The following GLB1 variants were observed in gnomAD, a reference collection of about 807,000 sequenced individuals.
GLB1 encodes the protein galactosidase beta 1.
In GLB1, 56 loss-of-function variants were observed where a neutral mutation model predicts 74.0. The observed-to-expected ratio is 0.76, with a 90% CI of 0.61 to 0.94. The LOEUF (loss-of-function observed/expected upper bound fraction) is 0.94. Ranked by LOEUF, GLB1 falls within the 40% of genes least tolerant of loss-of-function variation. GLB1 has a pLI of 0.00. For synonymous variants in GLB1, 323 were observed against 323.6 expected (o/e 1.00, Z 0.02); for missense variants, 787 against 845.5 (o/e 0.93, Z 0.86).
chr3:33,043,002 G>A (rs891867938), intron 10 of GLB1, among the ~76,000 whole-genome samples: 2 of 152,098 alleles, frequency 1.3e-5, no homozygotes, highest in African/African-American at 4.8e-5. Flanking sequence ...ATGCCCCATG[G>A]GTTTTATTTT....
chr3:32,996,924 A>G lies in GLB1; in HGVS notation c.*121T>C. 1 of 1,582,982 alleles carries G rather than the reference A, an allele frequency of 6.3e-7. No individual in the cohort carries two copies. The highest frequency in any genetic ancestry group is 8.6e-7 in the Non-Finnish European group (1 of 1,161,718). Reference sequence around the variant, plus strand: ...CAGGGATGCAGGGAAACCTCAGGTGAAAATGCACATCCTAAATTCCTTTTC... The same window carrying G: ...CAGGGATGCAGGGAAACCTCAGGTGGAAATGCACATCCTAAATTCCTTTTC... On this transcript the variant is annotated 3_prime_UTR_variant, in exon 16 of 16. Transcript: ENST00000307363.
At chr3:32,996,359 C>T (rs938244383), downstream of GLB1, among the ~76,000 whole-genome samples, 8 of 152,122 alleles carry the variant, frequency 5.3e-5, no homozygotes, top group South Asian at 2.1e-4. Context: ...ACACACAAAA[C>T]GGGATCCAAT....
intron 10 of GLB1, among the ~76,000 whole-genome samples, chr3:33,031,809 GTTTTT>G (rs1299964027): frequency 1.3e-5 from 2 of 150,274 alleles, no homozygotes; most frequent in Non-Finnish European, 3.0e-5. Flanking sequence ...GTTTTGTTTT[GTTTTT>G]GAGACAGAGT....
At chr3:32,989,866 C>A in the GLB1 span, among the ~76,000 whole-genome samples, 1 of 152,088 alleles carries the variant, frequency 6.6e-6, no homozygotes, top group Non-Finnish European at 1.5e-5. Context: ...TGCATGCCAC[C>A]CGCCCTATTT....
Position 33,036,408 on chromosome 3 carries a change from G to A in GLB1, c.1068+9712C>T, listed in dbSNP as rs116680437. On this transcript the variant is annotated intron_variant, in intron 10 of 15. Transcript: ENST00000307363. Reference sequence around the variant, plus strand: ...TGATATTTTATGCAATAAAGCTTATGTAAATATGTGTTTTAAAACTTGATT... The same window carrying A: ...TGATATTTTATGCAATAAAGCTTATATAAATATGTGTTTTAAAACTTGATT... Among the ~76,000 whole-genome samples the A allele has an allele frequency of 3.8e-3, 582 of 152,312 alleles. 5 individuals are homozygous for A. The highest frequency in any genetic ancestry group is 0.014 in the African/African-American group (564 of 41,560).
At chr3:33,013,244 G>C (rs1159525975) in intron 15 of GLB1, among the ~76,000 whole-genome samples, 3 of 152,186 alleles carry the variant, frequency 2.0e-5, no homozygotes, top group Non-Finnish European at 1.5e-5. Context: ...CTTAGGGAAG[G>C]CTTCCCTGAC....
At chr3:33,004,568 T>C (rs898563650) in intron 15 of GLB1, among the ~76,000 whole-genome samples, 1 of 152,140 alleles carries the variant, frequency 6.6e-6, no homozygotes, top group African/African-American at 2.4e-5. Context: ...AATCACCAAA[T>C]CCCACTGGGG....
chr3:33,092,582 G>A, intron 1 of GLB1: 1 of 1,277,482 alleles, frequency 7.8e-7, no homozygotes, highest in Non-Finnish European at 9.9e-7. Flanking sequence ...ATAGAGGGGA[G>A]TGCTAATATA....
At chr3:32,987,513 T>A in the GLB1 span, among the ~76,000 whole-genome samples, 1 of 152,226 alleles carries the variant, frequency 6.6e-6, no homozygotes, top group Non-Finnish European at 1.5e-5. Flanking sequence ...TAAGACAGAA[T>A]GCCTGGCTGC....
intron 10 of GLB1, 38 bp from the exon 11 acceptor site, chr3:33,024,363 A>C (rs980711613): frequency 6.3e-7 from 1 of 1,589,100 alleles, no homozygotes; most frequent in Admixed American, 1.8e-5. Flanking sequence ...AAAGAAAAAA[A>C]GTTGGTAAAC....
chr3:33,063,057 T>A (rs1483806143), intron 5 of GLB1, among the ~76,000 whole-genome samples: 1 of 152,090 alleles, frequency 6.6e-6, no homozygotes, highest in East Asian at 1.9e-4. Flanking sequence ...CGGAAGCCAA[T>A]ATGTCAACTG....
rs79183821 is a variant in GLB1 at position 33,009,722 on chromosome 3, C to G, written c.1734+4334G>C. On this transcript the variant is annotated intron_variant, in intron 15 of 15. Coordinates refer to ENST00000307363, the MANE Select transcript of GLB1 (RefSeq NM_000404.4). Reference sequence around the variant, plus strand: ...GCCATCATTCAAGTTAGTTTCAGAGCATATCCATCAGCTCCAATAGAAACC... The same window carrying G: ...GCCATCATTCAAGTTAGTTTCAGAGGATATCCATCAGCTCCAATAGAAACC... Among the ~76,000 whole-genome samples, 3,377 of 152,272 alleles carry G rather than the reference C, an allele frequency of 0.022. 526 individuals carry two copies. The East Asian group carries it at 0.42, about 19-fold the overall frequency.
chr3:33,042,463 G>C (rs1698547497), intron 10 of GLB1, among the ~76,000 whole-genome samples: 1 of 135,996 alleles, frequency 7.4e-6, no homozygotes, highest in Non-Finnish European at 1.5e-5. Flanking sequence ...CACCTCCCGG[G>C]TTCACGCCAT....
rs776346768 is a variant in GLB1, at chr3:33,058,264, T to C, written c.558A>G (p.Glu186=). The C allele has an allele frequency of 6.2e-7, 1 of 1,614,164 alleles. No individual in the cohort carries two copies. Among genetic ancestry groups the C allele is most frequent in the East Asian group, 2.2e-5 (1 of 44,880 alleles). ...AGGCAAAGTAGCTGCCATATTCATT[T>C]TCAACCTGTGAGTGAAAAAAGAGCA... ...NGGPVITVQV[E]NEYGSYFACD... Residue 186 remains glutamate (E), a synonymous_variant, in exon 6 of 16, where the codon GAA becomes GAG. Transcript: ENST00000307363.
At position 33,081,687 on chromosome 3, in the gene GLB1, C is replaced by T. The variant is rs151234067; in HGVS notation, c.76-8974G>A. Among the ~76,000 whole-genome samples the T allele has an allele frequency of 6.6e-5, 10 of 152,266 alleles. No individual in the cohort carries two copies. The East Asian group carries it at 9.6e-4, about 15-fold the overall frequency. On this transcript the variant is annotated intron_variant, in intron 1 of 15. Coordinates refer to ENST00000307363, the MANE Select transcript of GLB1 (RefSeq NM_000404.4). ...GGTTCTGGCATAACCAGCATGGGAC[C>T]GCTTAACCATCAGAAGCAGGAAGGC...
the GLB1 span, among the ~76,000 whole-genome samples, chr3:32,974,837 G>A: frequency 6.6e-6 from 1 of 152,204 alleles, no homozygotes; most frequent in Non-Finnish European, 1.5e-5. Flanking sequence ...CCACATTAGG[G>A]TGGGTGATCT....
chr3:33,089,003 C>T (rs1255058499), intron 1 of GLB1, among the ~76,000 whole-genome samples: 1 of 152,134 alleles, frequency 6.6e-6, no homozygotes, highest in Non-Finnish European at 1.5e-5. Context: ...TGATTTTCAA[C>T]AAAGATGCCA....
intron 10 of GLB1, chr3:33,033,934 T>C (rs1241941091): frequency 1.8e-6 from 1 of 551,616 alleles, no homozygotes; most frequent in Non-Finnish European, 3.6e-6. Context: ...TGGACTACTA[T>C]GGCACCCGCC....
At chr3:33,047,367 T>A (rs933469471) in intron 9 of GLB1, among the ~76,000 whole-genome samples, 2 of 152,192 alleles carry the variant, frequency 1.3e-5, no homozygotes, top group African/African-American at 4.8e-5. Flanking sequence ...TACCCATGCT[T>A]AAGTGTCACA....
Sources: allele counts gnomAD v4.1 joint callset (sites outside exome capture counted in the v4.1 genomes callset), GRCh38; gene constraint gnomAD v4.1.1; transcripts MANE v1.5; gene names NCBI Gene and HGNC (gene_info 2026-07-23, HGNC 2026-07-21).